The following DHRSX variants were observed in gnomAD, a reference collection of about 807,000 sequenced individuals.
DHRSX encodes the protein polyprenol dehydrogenase.
Under a neutral mutation model 34.0 loss-of-function variants are expected in DHRSX, and 31 were observed. The observed-to-expected ratio is 0.91, with a 90% confidence interval of 0.69 to 1.23. The LOEUF (loss-of-function observed/expected upper bound fraction) is 1.23, where lower values mean the gene tolerates loss of function less well. Ranked by LOEUF, DHRSX falls within the 50% of genes most tolerant of loss-of-function variation. DHRSX has a pLI of 0.00. For missense variants in DHRSX, 414 were observed against 428.1 expected (o/e 0.97, Z 0.29); for synonymous variants, 201 against 183.8 (o/e 1.09, Z -0.76).
intron 3 of DHRSX, among the ~76,000 whole-genome samples, chrX:2,351,983 G>T (rs188849492): frequency 5.8e-4 from 89 of 152,284 alleles, no homozygotes; most frequent in Non-Finnish European, 1.1e-3. Context: ...GCCTCCCAAA[G>T]TGCTGGGGTT....
At chrX:2,387,767 G>A (rs2043288217) in intron 3 of DHRSX, among the ~76,000 whole-genome samples, 1 of 151,682 alleles carries the variant, frequency 6.6e-6, no homozygotes, top group African/African-American at 2.4e-5. Flanking sequence ...CCATTCCAAG[G>A]GCAGAAGTTT....
intron 1 of DHRSX, among the ~76,000 whole-genome samples, chrX:2,484,591 C>T (rs2044832058): frequency 6.6e-6 from 1 of 152,088 alleles, no homozygotes; most frequent in South Asian, 2.1e-4. Flanking sequence ...AAAACACTGC[C>T]GTTTTGCTGC....
At chrX:2,234,436 CCA>C (rs1439542162) in intron 6 of DHRSX, among the ~76,000 whole-genome samples, 3 of 151,670 alleles carry the variant, frequency 2.0e-5, no homozygotes, top group Non-Finnish European at 4.4e-5. Context: ...ACAGCTAGAC[CCA>C]CACACACACA....
intron 2 of DHRSX, among the ~76,000 whole-genome samples, chrX:2,424,251 A>G (rs2043815470): frequency 6.6e-6 from 1 of 151,888 alleles, no homozygotes; most frequent in African/African-American, 2.4e-5. Flanking sequence ...TCCAGCCTCC[A>G]GGACTGTGGG....
At chrX:2,462,554 G>T (rs1454629522) in intron 1 of DHRSX, among the ~76,000 whole-genome samples, 1 of 151,806 alleles carries the variant, frequency 6.6e-6, no homozygotes, top group Non-Finnish European at 1.5e-5. Flanking sequence ...AACAATGTTA[G>T]ATAGTATCGG....
chrX:2,486,063 G>C (rs1220442756), intron 1 of DHRSX, among the ~76,000 whole-genome samples: 5 of 151,954 alleles, frequency 3.3e-5, no homozygotes, highest in African/African-American at 1.2e-4. Context: ...GGAGAGGGAA[G>C]GCGCTGATGC....
At chrX:2,461,323 C>T (rs1411097988) in intron 1 of DHRSX, among the ~76,000 whole-genome samples, 2 of 152,216 alleles carry the variant, frequency 1.3e-5, no homozygotes, top group African/African-American at 2.4e-5. Context: ...AAAAGGCAAT[C>T]GTTCCTTCTG....
rs1569487306 is a variant in DHRSX, at chrX:2,314,465, GGGGAGAAGGAAGGAAGGA to G, written c.287-22880_287-22863del. 1.6e-3 allele frequency among the ~76,000 whole-genome samples: 117 copies of G among 70,958 alleles called. 13 individuals carry two copies. The highest frequency in any genetic ancestry group is 7.1e-3 in the African/African-American group (109 of 15,272). 46.6% of individuals were successfully genotyped at this position (70,958 alleles called of 152,430 possible). On this transcript the variant is annotated intron_variant, in intron 3 of 6. Transcript: ENST00000334651. ...AGGAAGGGGAGAAGGGAGGAAGGAA[GGGGAGAAGGAAGGAAGGA>G]AGGAAGGGAGGTAAAGGAGGTAAGG...
At position 2,470,559 on chromosome X, in the gene DHRSX, T is replaced by C. The variant is rs367771050; in HGVS notation, c.109+30258A>G. ...CCCATCTCTACAAAAAATTTAAAAATTAACCAGGTGTGGTGGTGTGCACCT... is the reference window on the plus strand; with the variant it reads ...CCCATCTCTACAAAAAATTTAAAAACTAACCAGGTGTGGTGGTGTGCACCT... On this transcript the variant is annotated intron_variant, in intron 1 of 6. Transcript: ENST00000334651. Among the ~76,000 whole-genome samples the C allele has an allele frequency of 3.9e-5, 6 of 152,092 alleles. No individual in the cohort carries two copies. The South Asian group carries it at 6.2e-4, about 16-fold the overall frequency.
chrX:2,323,072 A>AGCCGC (rs2042332910), intron 3 of DHRSX, among the ~76,000 whole-genome samples: 1 of 151,614 alleles, frequency 6.6e-6, no homozygotes, highest in Admixed American at 6.6e-5. Context: ...TACAGGCGCC[A>AGCCGC]CACCCAGCTA....
In DHRSX at chrX:2,224,830, TCA is replaced by T. The variant is rs375748559; in HGVS notation, c.805-3603_805-3602del. On this transcript the variant is annotated intron_variant, in intron 6 of 6. Transcript: ENST00000334651. ...TACACAAACTCACATGAACACATGC[TCA>T]CATATACTCATTCACATGCACACAA... Among the ~76,000 whole-genome samples, 515 of 149,540 alleles carry T rather than the reference TCA, an allele frequency of 3.4e-3. 2 individuals are homozygous for T. The highest frequency in any genetic ancestry group is 0.014 in the Middle Eastern group (4 of 292).
At position 2,352,805 on chromosome X, in the gene DHRSX, G is replaced by A. The variant is rs769483918; in HGVS notation, c.286+55940C>T. On this transcript the variant is annotated intron_variant, in intron 3 of 6. Coordinates refer to ENST00000334651, the MANE Select transcript of DHRSX (RefSeq NM_145177.3). ...CAAGACCAGCCACAGTAGATGAAGG[G>A]CTATAGGGACCAGCATGGGCATTCG... 4.6e-5 allele frequency among the ~76,000 whole-genome samples: 7 copies of A among 152,278 alleles called. No individual in the cohort carries two copies. In the South Asian group the frequency reaches 1.4e-3, roughly 32 times the overall value.
At chrX:2,370,590 G>GAAAAAAAA (rs59435030) in intron 3 of DHRSX, among the ~76,000 whole-genome samples, 20 of 132,676 alleles carry the variant, frequency 1.5e-4, no homozygotes, top group African/African-American at 6.0e-4. Context: ...TGGTTTTACT[G>GAAAAAAAA]AAAAAAAAAA....
At chrX:2,340,445 T>C (rs1262525996) in intron 3 of DHRSX, among the ~76,000 whole-genome samples, 1 of 150,516 alleles carries the variant, frequency 6.6e-6, no homozygotes, top group Non-Finnish European at 1.5e-5. Flanking sequence ...TGTGCGTCTG[T>C]CTGTGTGTGT....
chrX:2,412,432 T>C (rs1379330176), intron 2 of DHRSX, among the ~76,000 whole-genome samples: 2 of 152,038 alleles, frequency 1.3e-5, no homozygotes, highest in South Asian at 2.1e-4. Context: ...CAGGAGACTA[T>C]AGTTTGATGT....
intron 3 of DHRSX, among the ~76,000 whole-genome samples, chrX:2,372,096 T>C (rs1395413957): frequency 6.6e-6 from 1 of 152,116 alleles, no homozygotes; most frequent in Admixed American, 6.6e-5. Context: ...TCGGAGAAAT[T>C]TTCTTGAGGC....
intron 3 of DHRSX, among the ~76,000 whole-genome samples, chrX:2,360,566 G>A (rs1180578519): frequency 6.6e-6 from 1 of 152,082 alleles, no homozygotes; most frequent in Non-Finnish European, 1.5e-5. Context: ...CTGGGCAACA[G>A]AGTGAGACTC....
intron 3 of DHRSX, among the ~76,000 whole-genome samples, chrX:2,365,293 C>G (rs2042983372): frequency 6.6e-6 from 1 of 152,182 alleles, no homozygotes; most frequent in Non-Finnish European, 1.5e-5. Context: ...GCAGCCACCA[C>G]CACGCCTGGC....
intron 2 of DHRSX, among the ~76,000 whole-genome samples, chrX:2,416,051 C>A (rs1353826205): frequency 6.6e-6 from 1 of 151,844 alleles, no homozygotes. Flanking sequence ...TCATGACCAA[C>A]CCAACCGGAC....
Sources: gnomAD v4.1 joint callset for allele counts (sites outside exome capture counted in the v4.1 genomes callset) on GRCh38, gnomAD v4.1.1 for gene constraint, MANE v1.5 for transcripts, NCBI Gene and HGNC (gene_info 2026-07-23, HGNC 2026-07-21) for gene names.